RHOU: variants seen among roughly 807,000 people sequenced by gnomAD.
RHOU encodes the protein rho-related GTP-binding protein RhoU.
A neutral mutation model predicts 12.6 loss-of-function variants in RHOU; 8 were observed. The ratio of observed to expected loss-of-function variants is 0.64; its 90% CI spans 0.37 to 1.15. The LOEUF (loss-of-function observed/expected upper bound fraction) is 1.15, where lower values mean the gene tolerates loss of function less well. RHOU is among the 50% of genes most tolerant of loss of function. The probability of loss-of-function intolerance (pLI) is 0.01; values close to 1 mark genes in which losing one functional copy is unlikely to be tolerated. For synonymous variants in RHOU, 161 were observed against 147.4 expected (o/e 1.09, Z -0.67); for missense variants, 258 against 347.0 (o/e 0.74, Z 2.04).
the RHOU span, among the ~76,000 whole-genome samples, chr1:228,695,142 G>C: frequency 6.6e-6 from 1 of 151,980 alleles, no homozygotes; most frequent in Non-Finnish European, 1.5e-5. Context: ...ATTAATTTTT[G>C]TATTTTTGGT....
At chr1:228,703,430 G>T in the RHOU span, among the ~76,000 whole-genome samples, 13 of 151,862 alleles carry the variant, frequency 8.6e-5, no homozygotes, top group Non-Finnish European at 1.6e-4. Flanking sequence ...GGAGGCTGAG[G>T]CAGGAGAATG....
the RHOU span, among the ~76,000 whole-genome samples, chr1:228,728,443 T>C: frequency 6.6e-6 from 1 of 152,198 alleles, no homozygotes; most frequent in Non-Finnish European, 1.5e-5. Context: ...GATACCCCCA[T>C]TAAAAATAAA....
chr1:228,728,899 C>CTT, the RHOU span, among the ~76,000 whole-genome samples: 21,367 of 141,692 alleles, frequency 0.15, 2,065 homozygotes, highest in African/African-American at 0.26. Context: ...CTTTTCTTTT[C>CTT]TTTTTTTTTT....
chr1:228,695,867 C>T, the RHOU span, among the ~76,000 whole-genome samples: 1 of 152,228 alleles, frequency 6.6e-6, no homozygotes, highest in Admixed American at 6.5e-5. Flanking sequence ...TCTTCCCTCC[C>T]TGGAGATTGG....
the RHOU span, among the ~76,000 whole-genome samples, chr1:228,646,745 G>C: frequency 6.6e-6 from 1 of 152,052 alleles, no homozygotes; most frequent in East Asian, 2.0e-4. Flanking sequence ...CCCACACACA[G>C]ACACACCCGT....
At chr1:228,677,913 C>T in the RHOU span, among the ~76,000 whole-genome samples, 1 of 152,120 alleles carries the variant, frequency 6.6e-6, no homozygotes, top group Non-Finnish European at 1.5e-5. Context: ...TGAGGAATTA[C>T]GTCTGACAAA....
At chr1:228,667,876 T>C in the RHOU span, among the ~76,000 whole-genome samples, 1 of 152,208 alleles carries the variant, frequency 6.6e-6, no homozygotes, top group Non-Finnish European at 1.5e-5. Context: ...GGTTTGGTCT[T>C]TGGTCCAGGT....
chr1:228,687,077 T>C, the RHOU span, among the ~76,000 whole-genome samples: 23 of 152,290 alleles, frequency 1.5e-4, no homozygotes, highest in Admixed American at 5.9e-4. Flanking sequence ...AAAATTATAG[T>C]GAGCTGACTA....
At chr1:228,684,077 G>A in the RHOU span, among the ~76,000 whole-genome samples, 6 of 152,218 alleles carry the variant, frequency 3.9e-5, no homozygotes, top group East Asian at 5.8e-4. Flanking sequence ...TTGCTCTGTC[G>A]CCCAGGCTGG....
chr1:228,732,792 C>T (rs1662521385), upstream of RHOU, among the ~76,000 whole-genome samples: 1 of 151,838 alleles, frequency 6.6e-6, no homozygotes, highest in South Asian at 2.1e-4. Flanking sequence ...TTTGTAGGGC[C>T]TGAGGCTTAT....
the RHOU span, among the ~76,000 whole-genome samples, chr1:228,696,546 ATCTT>A: frequency 1.3e-3 from 200 of 151,970 alleles, 1 homozygote; most frequent in African/African-American, 4.6e-3. Flanking sequence ...GCTTTTAGAT[ATCTT>A]TCTTTTTGTT....
At chr1:228,663,229 T>G in the RHOU span, among the ~76,000 whole-genome samples, 2 of 152,236 alleles carry the variant, frequency 1.3e-5, no homozygotes, top group South Asian at 2.1e-4. Flanking sequence ...TTGAATAGTC[T>G]GGACAGAGAC....
chr1:228,700,428 C>T, the RHOU span, among the ~76,000 whole-genome samples: 12 of 152,272 alleles, frequency 7.9e-5, no homozygotes, highest in South Asian at 1.9e-3. Context: ...CTAAATGATA[C>T]GATTCTAGTC....
chr1:228,678,573 T>C, the RHOU span, among the ~76,000 whole-genome samples: 1 of 152,164 alleles, frequency 6.6e-6, no homozygotes, highest in Non-Finnish European at 1.5e-5. Context: ...AAAGAGGCAT[T>C]AATGATGGAG....
intron 2 of RHOU, among the ~76,000 whole-genome samples, chr1:228,740,328 G>A (rs758782446): frequency 1.3e-5 from 2 of 152,136 alleles, no homozygotes; most frequent in African/African-American, 2.4e-5. Context: ...TAACCTTTGT[G>A]TACTGGTTAG....
the RHOU span, among the ~76,000 whole-genome samples, chr1:228,697,989 A>G: frequency 6.6e-6 from 1 of 152,266 alleles, no homozygotes; most frequent in Non-Finnish European, 1.5e-5. Flanking sequence ...GGAGGTTGAA[A>G]CAATGATTAA....
At chr1:228,661,899 A>T in the RHOU span, among the ~76,000 whole-genome samples, 1 of 152,228 alleles carries the variant, frequency 6.6e-6, no homozygotes, top group African/African-American at 2.4e-5. Context: ...GGTAATCTAC[A>T]GAATGGGAGA....
chr1:228,646,925 G>T, the RHOU span, among the ~76,000 whole-genome samples: 1 of 152,066 alleles, frequency 6.6e-6, no homozygotes, highest in East Asian at 1.9e-4. Context: ...CCGGAGAGGT[G>T]GAGAGGTAAA....
At chr1:228,681,296 G>A in the RHOU span, among the ~76,000 whole-genome samples, 3 of 152,140 alleles carry the variant, frequency 2.0e-5, no homozygotes, top group African/African-American at 4.8e-5. Context: ...TGTGGGAAGG[G>A]GAGTTAATAG....
Sources: gnomAD v4.1 joint callset for allele counts (sites outside exome capture counted in the v4.1 genomes callset) on GRCh38, gnomAD v4.1.1 for gene constraint, MANE v1.5 for transcripts, NCBI Gene and HGNC (gene_info 2026-07-23, HGNC 2026-07-21) for gene names.